Variants in KALRN observed in about 807,000 individuals in gnomAD.
KALRN encodes the protein kalirin.
A neutral mutation model predicts 353.7 loss-of-function variants in KALRN; 70 were observed. The observed-to-expected ratio is 0.20, with a 90% CI of 0.16 to 0.24. The LOEUF (loss-of-function observed/expected upper bound fraction) is 0.24. KALRN is among the 10% of genes least tolerant of loss of function. KALRN has a pLI of 1.00. For synonymous variants in KALRN, 1,391 were observed against 1,434.8 expected, an observed-to-expected ratio of 0.97 and a Z score of 0.69; for missense variants, 2,791 against 3,756.7, an observed-to-expected ratio of 0.74 and a Z score of 6.72.
rs773572776 is a variant in KALRN at position 124,643,816 on chromosome 3, C to T, written c.5664+6513C>T. Among the ~76,000 whole-genome samples, 129 of 152,112 alleles carry T rather than the reference C, an allele frequency of 8.5e-4. 1 individual carries two copies. The highest frequency in any genetic ancestry group is 1.6e-4 in the Non-Finnish European group (11 of 68,026). Reference sequence around the variant, plus strand: ...TATTGTGTATATTTGAGGTTTACAACATGATGTTATGAGATACCCATAGAT... The same window carrying T: ...TATTGTGTATATTTGAGGTTTACAATATGATGTTATGAGATACCCATAGAT... On this transcript the variant is annotated intron_variant, in intron 37 of 59. Coordinates refer to ENST00000682506, the MANE Select transcript of KALRN (RefSeq NM_001388419.1).
intron 1 of KALRN, among the ~76,000 whole-genome samples, chr3:124,192,859 C>T (rs1386861346): frequency 1.3e-5 from 2 of 152,160 alleles, no homozygotes; most frequent in Non-Finnish European, 1.5e-5. Context: ...AAATAAATTG[C>T]TGTTGTTTAA....
chr3:124,218,504 C>T (rs1170567477), intron 1 of KALRN, among the ~76,000 whole-genome samples: 4 of 152,156 alleles, frequency 2.6e-5, no homozygotes, highest in Non-Finnish European at 5.9e-5. Context: ...ACTTTGAGGA[C>T]CCATCCAACA....
chr3:124,298,748 C>A (rs371446060), intron 5 of KALRN, 43 bp from the exon 6 acceptor site: 5 of 1,612,800 alleles, frequency 3.1e-6, no homozygotes, highest in Non-Finnish European at 3.4e-6. Flanking sequence ...CCTATTCGAC[C>A]CATGACCATT....
chr3:124,434,242 C>T, intron 16 of KALRN, 65 bp from the exon 17 acceptor site: 1 of 1,287,056 alleles, frequency 7.8e-7, no homozygotes, highest in Non-Finnish European at 1.1e-6. Flanking sequence ...ACGCCTCACT[C>T]CACCCCCTCC....
intron 1 of KALRN, among the ~76,000 whole-genome samples, chr3:124,034,164 G>T (rs1332802856): frequency 6.6e-6 from 1 of 152,138 alleles, no homozygotes; most frequent in Admixed American, 6.5e-5. Flanking sequence ...CGGCGTCCCG[G>T]CCCCTCCCTT....
chr3:124,418,157 AT>A (rs11418359), intron 14 of KALRN, among the ~76,000 whole-genome samples: 1 of 150,884 alleles, frequency 6.6e-6, no homozygotes, highest in Non-Finnish European at 1.5e-5. Context: ...TTTTATTTTT[AT>A]TTTTTTTTCA....
chr3:124,157,232 C>A (rs1177278761), intron 1 of KALRN, among the ~76,000 whole-genome samples: 2 of 152,158 alleles, frequency 1.3e-5, no homozygotes, highest in Non-Finnish European at 2.9e-5. Flanking sequence ...CAGACAAGGA[C>A]CCTGAGGAGG....
chr3:124,182,852 G>C (rs868607091), intron 1 of KALRN, among the ~76,000 whole-genome samples: 2 of 152,134 alleles, frequency 1.3e-5, no homozygotes, highest in African/African-American at 4.8e-5. Context: ...GACCAAAACC[G>C]CATCTTCACA....
intron 7 of KALRN, among the ~76,000 whole-genome samples, chr3:124,329,475 ACACAGCCCCT>A (rs2080276656): frequency 6.6e-6 from 1 of 152,172 alleles, no homozygotes; most frequent in African/African-American, 2.4e-5. Flanking sequence ...CTTACATTAC[ACACAGCCCCT>A]CACGTGTGCC....
intron 33 of KALRN, among the ~76,000 whole-genome samples, chr3:124,561,660 G>A (rs551496114): frequency 2.0e-5 from 3 of 152,310 alleles, no homozygotes; most frequent in Non-Finnish European, 4.4e-5. Context: ...GAAAATTTGG[G>A]CCCTGAAGGC....
At chr3:124,199,448 C>T (rs1364836063) in intron 1 of KALRN, among the ~76,000 whole-genome samples, 1 of 152,160 alleles carries the variant, frequency 6.6e-6, no homozygotes, top group African/African-American at 2.4e-5. Context: ...ATTGGGCACC[C>T]ACAGGAGAGT....
intron 10 of KALRN, among the ~76,000 whole-genome samples, chr3:124,360,857 G>A (rs1043416970): frequency 6.6e-5 from 10 of 152,190 alleles, no homozygotes; most frequent in Admixed American, 4.6e-4. Flanking sequence ...TGAAAGAAGA[G>A]GGAGCATGTG....
At chr3:124,374,025 T>C (rs2086234714) in intron 10 of KALRN, among the ~76,000 whole-genome samples, 1 of 152,254 alleles carries the variant, frequency 6.6e-6, no homozygotes, top group South Asian at 2.1e-4. Context: ...TCTGAATGTC[T>C]GTGTTTCCTC....
Position 124,488,244 on chromosome 3 carries a change from A to G in KALRN, c.4325A>G (p.Lys1442Arg), listed in dbSNP as rs745913088. 1 of 1,613,958 alleles carries G rather than the reference A, an allele frequency of 6.2e-7. No individual in the cohort carries two copies. Among genetic ancestry groups the G allele is most frequent in the Non-Finnish European group, 8.5e-7 (1 of 1,179,890 alleles). Residue 1442 changes from lysine to arginine, a missense_variant, in exon 29 of 60, where the codon AAG (lysine) becomes AGG (arginine). By Grantham distance (26) the Lys-to-Arg change is conservative. Around this residue, in one of 11 missense-constraint regions of KALRN, gnomAD observed 54 missense variants for 131.7 expected, o/e 0.41. Transcript: ENST00000682506. ...TGTGAAGAAGGGAAAGGGGAGCTCA[A>G]GGATGGCCTGGAGGTGATGCTCAGT... Reference protein sequence around the residue: ...TCCEEGKGELKDGLEVMLSVP... With the variant: ...TCCEEGKGELRDGLEVMLSVP...
intron 38 of KALRN, among the ~76,000 whole-genome samples, chr3:124,654,256 G>A (rs547241306): frequency 6.6e-6 from 1 of 152,306 alleles, no homozygotes; most frequent in South Asian, 2.1e-4. Context: ...GTCTGTGCTG[G>A]AGAGGGAGCT....
At chr3:124,264,772 C>A (rs1204558368) in intron 4 of KALRN, 82 bp downstream of exon 4, 2 of 1,235,088 alleles carry the variant, frequency 1.6e-6, no homozygotes, top group Non-Finnish European at 2.3e-6. Context: ...TCTTCTCTAT[C>A]TACCATACAG....
chr3:124,198,063 A>G (rs1020443027), intron 1 of KALRN, among the ~76,000 whole-genome samples: 2 of 152,250 alleles, frequency 1.3e-5, no homozygotes, highest in Non-Finnish European at 2.9e-5. Flanking sequence ...AGACAGACAT[A>G]TAACAATGAG....
chr3:124,699,834 T>A, intron 55 of KALRN, 35 bp from the exon 56 acceptor site: 1 of 1,610,484 alleles, frequency 6.2e-7, no homozygotes, highest in East Asian at 2.2e-5. Context: ...CCCTTTGGCT[T>A]TTCTCTTTCC....
intron 1 of KALRN, among the ~76,000 whole-genome samples, chr3:124,135,311 G>A (rs530131856): frequency 1.3e-5 from 2 of 152,324 alleles, no homozygotes; most frequent in Admixed American, 1.3e-4. Context: ...TCACTGATAT[G>A]TGGGAGCTAA....
Sources: allele counts gnomAD v4.1 joint callset (sites outside exome capture counted in the v4.1 genomes callset), GRCh38; gene constraint gnomAD v4.1.1; regional missense constraint gnomAD v4.1.1; transcripts MANE v1.5; gene names NCBI Gene and HGNC (gene_info 2026-07-23, HGNC 2026-07-21).